Variants in PRKAR1B observed in about 807,000 individuals in gnomAD.
The protein encoded by PRKAR1B is cAMP-dependent protein kinase type I-beta regulatory subunit.
A neutral mutation model predicts 46.5 loss-of-function variants in PRKAR1B; 22 were observed. That is an observed-to-expected ratio of 0.47 (90% confidence interval 0.34 to 0.68). The LOEUF is 0.68. PRKAR1B is among the 30% of genes least tolerant of loss of function. PRKAR1B has a pLI of 0.01. For missense variants in PRKAR1B, 445 were observed against 535.6 expected (o/e 0.83, Z 1.67); for synonymous variants, 259 against 217.7 (o/e 1.19, Z -1.67).
chr7:634,905 G>T (rs1783961360), intron 4 of PRKAR1B, among the ~76,000 whole-genome samples: 1 of 152,096 alleles, frequency 6.6e-6, no homozygotes, highest in South Asian at 2.1e-4. Flanking sequence ...CTCCCAAAGT[G>T]CTGGGATCAC....
chr7:586,762 G>T (rs1780624653), intron 7 of PRKAR1B, among the ~76,000 whole-genome samples: 1 of 152,202 alleles, frequency 6.6e-6, no homozygotes, highest in Non-Finnish European at 1.5e-5. Flanking sequence ...CCTAGGTTAA[G>T]ATAGAAAACT....
Position 689,665 on chromosome 7 carries a change from T to TA in PRKAR1B, c.178-8940dup, listed in dbSNP as rs945498030. On this transcript the variant is annotated intron_variant, in intron 2 of 10. Coordinates refer to ENST00000537384, the MANE Select transcript of PRKAR1B (RefSeq NM_001164760.2). ...GGGGAGGGGGAGGAGAGCCTGCATA[T>TA]AAAAAAAGACCCAAAGAGAAGACTT... 1.6e-4 allele frequency among the ~76,000 whole-genome samples: 24 copies of TA among 149,582 alleles called. No individual in the cohort carries two copies. In the Middle Eastern group the frequency reaches 0.01, roughly 65 times the overall value.
At chr7:697,983 G>A (rs1359849744) in intron 2 of PRKAR1B, among the ~76,000 whole-genome samples, 1 of 73,742 alleles carries the variant, frequency 1.4e-5, no homozygotes, top group Non-Finnish European at 2.8e-5. Context: ...AGGGAAGGGA[G>A]CGGAGGGGAG....
intron 4 of PRKAR1B, among the ~76,000 whole-genome samples, chr7:624,187 C>T (rs1207379442): frequency 2.0e-5 from 3 of 152,184 alleles, no homozygotes; most frequent in African/African-American, 4.8e-5. Context: ...AATCTCAGCA[C>T]TTTGGGAGGC....
intron 7 of PRKAR1B, among the ~76,000 whole-genome samples, chr7:590,536 C>G (rs766731470): frequency 3.9e-5 from 6 of 152,212 alleles, no homozygotes; most frequent in Non-Finnish European, 8.8e-5. Flanking sequence ...GAAAACAGCC[C>G]CAGGCCTTGC....
At chr7:596,064 C>T in intron 7 of PRKAR1B, 82 bp downstream of exon 7, 2 of 1,521,698 alleles carry the variant, frequency 1.3e-6, no homozygotes, top group Non-Finnish European at 1.8e-6. Flanking sequence ...GGTGCATCCC[C>T]ACCTTGAATA....
At chr7:628,745 C>T (rs939574511) in intron 4 of PRKAR1B, among the ~76,000 whole-genome samples, 15 of 152,202 alleles carry the variant, frequency 9.9e-5, no homozygotes, top group African/African-American at 2.7e-4. Context: ...GCAAAGCCCA[C>T]GGCCTTGTCC....
At chr7:689,699 A>C (rs1779302729) in intron 2 of PRKAR1B, among the ~76,000 whole-genome samples, 1 of 149,710 alleles carries the variant, frequency 6.7e-6, no homozygotes, top group African/African-American at 2.5e-5. Flanking sequence ...TTTTTTTTTG[A>C]GACAGAGTAT....
At chr7:619,768 T>C (rs1783014958) in intron 4 of PRKAR1B, among the ~76,000 whole-genome samples, 2 of 152,270 alleles carry the variant, frequency 1.3e-5, no homozygotes, top group South Asian at 4.1e-4. Context: ...CTCTTCTTTG[T>C]GCTTCTGTTT....
chr7:726,606 G>A (rs1296080368), intron 1 of PRKAR1B: 3 of 813,248 alleles, frequency 3.7e-6, no homozygotes, highest in Non-Finnish European at 4.9e-6. Context: ...GTGCGCACCG[G>A]CGGGGAGGAA....
intron 2 of PRKAR1B, among the ~76,000 whole-genome samples, chr7:687,878 C>A (rs182815113): frequency 6.6e-5 from 10 of 151,764 alleles, no homozygotes; most frequent in Non-Finnish European, 1.3e-4. Flanking sequence ...GGCGGATCAC[C>A]TGAGGTCAGC....
intron 4 of PRKAR1B, among the ~76,000 whole-genome samples, chr7:609,302 C>T (rs1038550973): frequency 6.6e-5 from 10 of 152,190 alleles, no homozygotes; most frequent in African/African-American, 2.2e-4. Context: ...AATCATTTTA[C>T]AATTCCTCCC....
rs538470676 is a variant in PRKAR1B, at chr7:550,357, C to T, written c.*73G>A. On this transcript the variant is annotated 3_prime_UTR_variant, in exon 11 of 11. Transcript: ENST00000537384. ...GGCCCACACCTCACACAGCGGCTCC[C>T]GGGCCCCCGACACAGACGAGCAGGG... is the stretch of plus-strand genomic sequence containing the variant. The T allele has an allele frequency of 2.1e-4, 300 of 1,449,490 alleles. No homozygotes were observed. In the African/African-American group the frequency reaches 3.6e-3, roughly 18 times the overall value. The allele number at this position is 1,449,490 out of a possible 1,614,324, so 89.8% of individuals were successfully genotyped here.
chr7:568,088 G>C (rs1562524977), intron 9 of PRKAR1B, among the ~76,000 whole-genome samples: 2 of 152,158 alleles, frequency 1.3e-5, no homozygotes, highest in African/African-American at 4.8e-5. Flanking sequence ...AAAGGGCCTG[G>C]CCACTGGAAC....
intron 7 of PRKAR1B, among the ~76,000 whole-genome samples, chr7:585,117 C>T (rs1470084057): frequency 1.3e-5 from 2 of 152,206 alleles, no homozygotes; most frequent in African/African-American, 4.8e-5. Context: ...ACAAACACGG[C>T]CCTGTCAGCG....
Position 711,370 on chromosome 7 carries a change from G to A in PRKAR1B, c.136C>T (p.Pro46Ser), listed in dbSNP as rs960120671. The A allele has an allele frequency of 6.2e-7, 1 of 1,614,230 alleles. No individual in the cohort carries two copies. Among genetic ancestry groups the A allele is most frequent in the Non-Finnish European group, 8.5e-7 (1 of 1,180,024 alleles). ...VHLCISKPER[P>S]MKFLREHFEK... ...AAGTGCTCCCGGAGGAACTTCATGGGGCGTTCGGGCTTGGAGATGCAGAGG... is the reference window on the plus strand; with the variant it reads ...AAGTGCTCCCGGAGGAACTTCATGGAGCGTTCGGGCTTGGAGATGCAGAGG... Residue 46 changes from proline to serine, a missense_variant, in exon 2 of 11, where the codon CCC (proline) becomes TCC (serine). Pro to Ser is a moderately conservative substitution (Grantham distance 74). Around this residue, in one of 5 missense-constraint regions of PRKAR1B, gnomAD observed 155 missense variants for 127.5 expected, o/e 1.22. Transcript: ENST00000537384.
intron 7 of PRKAR1B, among the ~76,000 whole-genome samples, chr7:586,015 G>A (rs922296675): frequency 1.3e-5 from 2 of 152,140 alleles, no homozygotes; most frequent in Admixed American, 6.5e-5. Flanking sequence ...GGCATGTGCA[G>A]TTTCTGAACA....
At chr7:606,330 G>A in intron 5 of PRKAR1B, 91 bp from the exon 6 acceptor site, 1 of 1,185,258 alleles carries the variant, frequency 8.4e-7, no homozygotes, top group Non-Finnish European at 1.2e-6. Context: ...CAACACTGTT[G>A]CAGAGACCCT....
At chr7:656,441 G>A (rs892320476) in intron 4 of PRKAR1B, among the ~76,000 whole-genome samples, 2 of 152,194 alleles carry the variant, frequency 1.3e-5, no homozygotes, top group Non-Finnish European at 2.9e-5. Flanking sequence ...GGATAAGTGG[G>A]TGAATGAATG....
Sources: allele counts gnomAD v4.1 joint callset (sites outside exome capture counted in the v4.1 genomes callset), GRCh38; gene constraint gnomAD v4.1.1; regional missense constraint gnomAD v4.1.1; transcripts MANE v1.5; gene names NCBI Gene and HGNC (gene_info 2026-07-23, HGNC 2026-07-21).